The following ERG variants were observed in gnomAD, a reference collection of about 807,000 sequenced individuals.
The protein encoded by ERG is ETS transcription factor ERG.
ERG carries 9 observed loss-of-function variants against 55.3 expected under a neutral mutation model. The observed-to-expected ratio is 0.16, with a 90% CI of 0.10 to 0.28. The LOEUF is 0.28. Ranked by LOEUF, ERG falls within the 10% of genes least tolerant of loss-of-function variation. ERG has a pLI of 1.00. For missense variants in ERG, 434 were observed against 631.6 expected (o/e 0.69, Z 3.35); for synonymous variants, 223 against 237.3 (o/e 0.94, Z 0.55).
intron 1 of ERG, among the ~76,000 whole-genome samples, chr21:38,605,891 AATAG>A (rs2060193598): frequency 6.6e-6 from 1 of 152,152 alleles, no homozygotes; most frequent in Non-Finnish European, 1.5e-5. Context: ...ATAGATAGAT[AATAG>A]ATAAATAATA....
chr21:38,424,181 G>GCGCT (rs1555896858), intron 2 of ERG, among the ~76,000 whole-genome samples: 3,171 of 87,948 alleles, frequency 0.036, 92 homozygotes, highest in East Asian at 0.097. Flanking sequence ...AGAGACCAGA[G>GCGCT]CTCGAGCTCT....
chr21:38,368,642 G>GAAAT, the ERG span, among the ~76,000 whole-genome samples: 1 of 152,010 alleles, frequency 6.6e-6, no homozygotes, highest in African/African-American at 2.4e-5. Context: ...GAGTTCAGGG[G>GAAAT]TACAAGTGCA....
chr21:38,411,468 T>C (rs2032096), intron 3 of ERG, among the ~76,000 whole-genome samples: 142,981 of 152,226 alleles, frequency 0.94, 67,162 homozygotes, highest in East Asian at 0.99. Context: ...ACCACCATCG[T>C]GGCTAATTTT....
intron 2 of ERG, among the ~76,000 whole-genome samples, chr21:38,443,457 G>A (rs763216511): frequency 2.4e-4 from 36 of 152,252 alleles, no homozygotes; most frequent in Middle Eastern, 3.4e-3. Context: ...CCGTGATCAC[G>A]CTGGCATATA....
At chr21:38,439,861 G>T (rs540236587) in intron 2 of ERG, among the ~76,000 whole-genome samples, 1 of 152,318 alleles carries the variant, frequency 6.6e-6, no homozygotes, top group South Asian at 2.1e-4. Context: ...ATTCGGTTGG[G>T]AACTAAGTCC....
chr21:38,595,280 T>C (rs1601292409), intron 1 of ERG, among the ~76,000 whole-genome samples: 1 of 152,146 alleles, frequency 6.6e-6, no homozygotes, highest in Non-Finnish European at 1.5e-5. Flanking sequence ...GAGAGGCCAG[T>C]TCCAGGATGG....
chr21:38,563,958 G>C (rs900375474), intron 2 of ERG, among the ~76,000 whole-genome samples: 1 of 152,146 alleles, frequency 6.6e-6, no homozygotes, highest in Admixed American at 6.5e-5. Context: ...GGTGTACAAC[G>C]TGACAGGGAC....
chr21:38,441,049 C>T (rs185717519), intron 2 of ERG, among the ~76,000 whole-genome samples: 453 of 152,294 alleles, frequency 3.0e-3, no homozygotes, highest in African/African-American at 9.9e-3. Flanking sequence ...CCTAGTGAAC[C>T]TCTGACCTGA....
chr21:38,532,700 G>C (rs1230698822), intron 2 of ERG, among the ~76,000 whole-genome samples: 1 of 152,202 alleles, frequency 6.6e-6, no homozygotes, highest in Admixed American at 6.5e-5. Context: ...GGGCTTTAGT[G>C]ACACTGATCA....
chr21:38,526,551 T>C (rs941319304), intron 2 of ERG, among the ~76,000 whole-genome samples: 1 of 152,186 alleles, frequency 6.6e-6, no homozygotes, highest in African/African-American at 2.4e-5. Context: ...AAGATGTCTT[T>C]AATTTTAGCA....
At chr21:38,521,393 C>A (rs1000920150) in intron 2 of ERG, among the ~76,000 whole-genome samples, 1 of 152,146 alleles carries the variant, frequency 6.6e-6, no homozygotes, top group Admixed American at 6.5e-5. Flanking sequence ...GCAAACAGAC[C>A]TCAGACCAAA....
intron 1 of ERG, among the ~76,000 whole-genome samples, chr21:38,580,667 C>A (rs2060023071): frequency 6.6e-6 from 1 of 151,674 alleles, no homozygotes; most frequent in Non-Finnish European, 1.5e-5. Flanking sequence ...TAACAGAATT[C>A]TACTTGTGTC....
At chr21:38,597,546 TC>T (rs1480024695) in intron 1 of ERG, among the ~76,000 whole-genome samples, 3 of 151,696 alleles carry the variant, frequency 2.0e-5, no homozygotes, top group Non-Finnish European at 1.5e-5. Context: ...TCTACATCCA[TC>T]CTGTTGGATC....
chr21:38,518,583 T>A (rs2059570896), intron 2 of ERG, among the ~76,000 whole-genome samples: 1 of 151,884 alleles, frequency 6.6e-6, no homozygotes, highest in Non-Finnish European at 1.5e-5. Flanking sequence ...GAAATCCACA[T>A]GAGAAACAGA....
intron 1 of ERG, among the ~76,000 whole-genome samples, chr21:38,647,413 G>A (rs766925289): frequency 6.6e-6 from 1 of 152,252 alleles, no homozygotes; most frequent in African/African-American, 2.4e-5. Context: ...GATGAAAAAC[G>A]TCTTATTCCT....
At chr21:38,653,616 G>A (rs1234283711) in intron 1 of ERG, among the ~76,000 whole-genome samples, 3 of 152,190 alleles carry the variant, frequency 2.0e-5, no homozygotes, top group Admixed American at 6.5e-5. Flanking sequence ...CACAACTCAT[G>A]GAAGAGAGAA....
chr21:38,550,378 C>T (rs963165488), intron 2 of ERG, among the ~76,000 whole-genome samples: 1 of 152,080 alleles, frequency 6.6e-6, no homozygotes, highest in African/African-American at 2.4e-5. Context: ...TGTGTGTGCC[C>T]CCAAAATTCA....
chr21:38,461,792 A>C (rs1232488489), intron 1 of ERG, among the ~76,000 whole-genome samples: 1 of 152,182 alleles, frequency 6.6e-6, no homozygotes, highest in Non-Finnish European at 1.5e-5. Flanking sequence ...GTTAACATGC[A>C]ATGAGTTTAT....
chr21:38,505,899 T>C (rs2059456947), intron 2 of ERG, among the ~76,000 whole-genome samples: 2 of 152,122 alleles, frequency 1.3e-5, no homozygotes, highest in Admixed American at 6.5e-5. Flanking sequence ...AAAAGGCCTT[T>C]AGAGAGAATA....
Sources: allele counts gnomAD v4.1 joint callset (sites outside exome capture counted in the v4.1 genomes callset), GRCh38; gene constraint gnomAD v4.1.1; transcripts MANE v1.5; gene names NCBI Gene and HGNC (gene_info 2026-07-23, HGNC 2026-07-21).